SLC5A4: variants seen among roughly 807,000 people sequenced by gnomAD.
The protein encoded by SLC5A4 is solute carrier family 5 member 4.
In SLC5A4, 55 loss-of-function variants were observed where a neutral mutation model predicts 70.3. The observed-to-expected ratio is 0.78, with a 90% CI of 0.63 to 0.98. The LOEUF (loss-of-function observed/expected upper bound fraction) is 0.98. SLC5A4 is among the 50% of genes least tolerant of loss of function. The pLI is 0.00. For synonymous variants in SLC5A4, 268 were observed against 305.7 expected, an observed-to-expected ratio of 0.88 and a Z score of 1.29; for missense variants, 735 against 839.2, an observed-to-expected ratio of 0.88 and a Z score of 1.53.
At position 32,225,652 on chromosome 22, in the gene SLC5A4, C is replaced by T. The variant is rs897171257; in HGVS notation, c.1449+3G>A. On this transcript the variant is annotated splice_donor_region_variant and intron_variant, in intron 12 of 14. Coordinates refer to ENST00000266086, the MANE Select transcript of SLC5A4 (RefSeq NM_014227.3). The stretch of plus-strand genomic sequence containing the variant: ...GGAAACTTTTTTTCCAGTTTTCACT[C>T]ACCTGTTCATTGACTCTTTTACAGA... The T allele has an allele frequency of 6.3e-7, 1 of 1,597,982 alleles. No homozygotes were observed. The highest frequency in any genetic ancestry group is 1.4e-5 in the African/African-American group (1 of 74,046).
chr22:32,239,518 TTATATATATATATA>T lies in SLC5A4; in HGVS notation c.478-442_478-429del, dbSNP rs1173210993. Among the ~76,000 whole-genome samples the T allele has an allele frequency of 5.5e-4, 14 of 25,228 alleles. No individual in the cohort carries two copies. In the South Asian group the frequency reaches 7.0e-3, roughly 13 times the overall value. The allele number at this position is 25,228 out of a possible 152,430, so 16.6% of individuals were successfully genotyped here. ...CTGCACTCCAGCCTGGGAGTGCATA[TTATATATATATATA>T]TATATATATATATATATATATATAT... is the stretch of plus-strand genomic sequence containing the variant. On this transcript the variant is annotated intron_variant, in intron 5 of 14. Coordinates refer to ENST00000266086, the MANE Select transcript of SLC5A4 (RefSeq NM_014227.3).
chr22:32,324,151 C>T, the SLC5A4 span, among the ~76,000 whole-genome samples: 5 of 149,774 alleles, frequency 3.3e-5, no homozygotes, highest in African/African-American at 9.8e-5. Flanking sequence ...GGCATTGACG[C>T]GGCTCTATTT....
At chr22:32,303,878 A>G in the SLC5A4 span, among the ~76,000 whole-genome samples, 1 of 152,148 alleles carries the variant, frequency 6.6e-6, no homozygotes, top group African/African-American at 2.4e-5. Flanking sequence ...AAACTGCCAA[A>G]CTGTCTTCCA....
chr22:32,273,057 G>A, the SLC5A4 span: 12,566 of 523,438 alleles, frequency 0.024, 221 homozygotes, highest in Non-Finnish European at 0.034. Context: ...CACCATATCC[G>A]ACATCATCCT....
At chr22:32,241,775 ATGTGTGTGTG>A (rs373261572) in intron 5 of SLC5A4, among the ~76,000 whole-genome samples, 3 of 139,188 alleles carry the variant, frequency 2.2e-5, no homozygotes, top group East Asian at 2.0e-4. Flanking sequence ...ACATATATAT[ATGTGTGTGTG>A]TGTGTGTGTG....
At chr22:32,272,445 G>A in the SLC5A4 span, 4 of 837,646 alleles carry the variant, frequency 4.8e-6, no homozygotes, top group Non-Finnish European at 2.0e-6. Context: ...TCCACCAGAT[G>A]ATCAGCGTCA....
the SLC5A4 span, among the ~76,000 whole-genome samples, chr22:32,302,374 A>G: frequency 0.48 from 72,719 of 151,636 alleles, 17,582 homozygotes; most frequent in Admixed American, 0.51. Context: ...AAAACATTTT[A>G]ATTGTGATTA....
At chr22:32,326,839 G>T in the SLC5A4 span, among the ~76,000 whole-genome samples, 2 of 152,200 alleles carry the variant, frequency 1.3e-5, no homozygotes, top group East Asian at 3.9e-4. Context: ...AGAGTCAGCG[G>T]AGGGGATGTG....
the SLC5A4 span, among the ~76,000 whole-genome samples, chr22:32,303,634 T>C: frequency 1.3e-5 from 2 of 152,206 alleles, no homozygotes; most frequent in South Asian, 4.1e-4. Flanking sequence ...AATGGCTTGA[T>C]ACCTCATTTC....
chr22:32,305,038 A>T, the SLC5A4 span, among the ~76,000 whole-genome samples: 2 of 151,978 alleles, frequency 1.3e-5, no homozygotes, highest in African/African-American at 4.8e-5. Flanking sequence ...TGACTATTTT[A>T]TGTAGGTCTA....
intron 8 of SLC5A4, among the ~76,000 whole-genome samples, chr22:32,234,072 T>C (rs1603228711): frequency 6.6e-6 from 1 of 152,282 alleles, no homozygotes; most frequent in Middle Eastern, 3.4e-3. Flanking sequence ...TCCTTCATCA[T>C]AGGGAAGCCA....
the SLC5A4 span, among the ~76,000 whole-genome samples, chr22:32,276,295 A>C: frequency 3.9e-5 from 6 of 152,236 alleles, no homozygotes; most frequent in Non-Finnish European, 8.8e-5. Context: ...AATCTGAGCT[A>C]TCAATGAATG....
At chr22:32,300,215 T>C in the SLC5A4 span, among the ~76,000 whole-genome samples, 1 of 152,104 alleles carries the variant, frequency 6.6e-6, no homozygotes, top group Non-Finnish European at 1.5e-5. Context: ...TTTGTTTACC[T>C]AATCAAGCCT....
At chr22:32,305,701 G>A in the SLC5A4 span, among the ~76,000 whole-genome samples, 1 of 129,956 alleles carries the variant, frequency 7.7e-6, no homozygotes, top group African/African-American at 3.0e-5. Flanking sequence ...GAGGGACGGT[G>A]GCTTTTCAGG....
At chr22:32,342,978 C>T in the SLC5A4 span, 1 of 152,212 alleles carries the variant, frequency 6.6e-6, no homozygotes, top group Non-Finnish European at 1.5e-5. Flanking sequence ...TAATCAAACA[C>T]AGAACTGAAA....
chr22:32,330,913 GTGTTGGAGGCCTCTGGTGTGTA>G, the SLC5A4 span, among the ~76,000 whole-genome samples: 1 of 66,814 alleles, frequency 1.5e-5, no homozygotes. Context: ...GTGTGTGTGT[GTGTTGGAGGCCTCTGGTGTGTA>G]TGTGTTGGAG....
the SLC5A4 span, among the ~76,000 whole-genome samples, chr22:32,308,101 T>C: frequency 1.3e-5 from 2 of 152,152 alleles, no homozygotes; most frequent in Non-Finnish European, 2.9e-5. Flanking sequence ...AGAGTCACTC[T>C]GTCACCCAGG....
At chr22:32,281,280 A>G in the SLC5A4 span, among the ~76,000 whole-genome samples, 1 of 152,048 alleles carries the variant, frequency 6.6e-6, no homozygotes, top group Admixed American at 6.5e-5. Flanking sequence ...CTGCGGTTGG[A>G]ATGTTCTTTT....
chr22:32,316,083 C>A, the SLC5A4 span, among the ~76,000 whole-genome samples: 1 of 140,990 alleles, frequency 7.1e-6, no homozygotes, highest in Non-Finnish European at 1.5e-5. Flanking sequence ...GCAGGAGAAT[C>A]GCTTGAACCC....
Sources: gnomAD v4.1 joint callset for allele counts (sites outside exome capture counted in the v4.1 genomes callset) on GRCh38, gnomAD v4.1.1 for gene constraint, MANE v1.5 for transcripts, NCBI Gene and HGNC (gene_info 2026-07-23, HGNC 2026-07-21) for gene names.